COG2: variants seen among roughly 807,000 people sequenced by gnomAD.
The protein encoded by COG2 is conserved oligomeric Golgi complex subunit 2.
Under a neutral mutation model 90.6 loss-of-function variants are expected in COG2, and 52 were observed. That is an observed-to-expected ratio of 0.57 (90% confidence interval 0.46 to 0.72). The LOEUF (loss-of-function observed/expected upper bound fraction) is 0.72, where lower values mean the gene tolerates loss of function less well. Ranked by LOEUF, COG2 falls within the 30% of genes least tolerant of loss-of-function variation. COG2 has a pLI of 0.00. For missense variants in COG2, 829 were observed against 891.2 expected (o/e 0.93, Z 0.89); for synonymous variants, 337 against 320.4 (o/e 1.05, Z -0.55).
At position 230,642,505 on chromosome 1, in the gene COG2, G is replaced by A; in HGVS notation, c.-102G>A. 2 of 1,170,590 alleles carry A rather than the reference G, an allele frequency of 1.7e-6. No homozygotes were observed. The highest frequency in any genetic ancestry group is 4.1e-5 in the Admixed American group (2 of 48,782). The allele number at this position is 1,170,590 out of a possible 1,614,324, so 72.5% of individuals were successfully genotyped here. Reference sequence around the variant, plus strand: ...CATGTTGGCGGAAGCGGACCCCCCTGTGCCGTGGAAACTGGCGGTGGCCGC... The same window carrying A: ...CATGTTGGCGGAAGCGGACCCCCCTATGCCGTGGAAACTGGCGGTGGCCGC... On this transcript the variant is annotated 5_prime_UTR_variant, in exon 1 of 18. The change creates a new upstream start codon in the 5' untranslated region. Transcript: ENST00000366669.
chr1:230,671,630 G>T lies in COG2; in HGVS notation c.889G>T (p.Ala297Ser). Reference sequence around the variant, plus strand: ...CCTTCTTCGAGAAGTCACAGGAGGTGCCATCTCCAGGTAATTTAAACAACC... The same window carrying T: ...CCTTCTTCGAGAAGTCACAGGAGGTTCCATCTCCAGGTAATTTAAACAACC... ...CRLLREVTGGAISSEKGNTVP... is the reference protein window; with the variant it reads ...CRLLREVTGGSISSEKGNTVP... Residue 297 changes from alanine (A) to serine (S), a missense_variant, in exon 8 of 18, where the codon GCC becomes TCC. Ala to Ser is a moderately conservative substitution (Grantham distance 99, BLOSUM62 1). Coordinates refer to ENST00000366669, the MANE Select transcript of COG2 (RefSeq NM_007357.3). The T allele has an allele frequency of 1.2e-6, 2 of 1,613,430 alleles. No individual in the cohort carries two copies. Among genetic ancestry groups the T allele is most frequent in the Non-Finnish European group, 1.7e-6 (2 of 1,179,634 alleles).
intron 5 of COG2, among the ~76,000 whole-genome samples, chr1:230,667,062 G>A (rs1340562115): frequency 2.6e-5 from 4 of 152,076 alleles, no homozygotes; most frequent in Admixed American, 6.6e-5. Flanking sequence ...TGCATTCATC[G>A]GGCCTCCGGG....
chr1:230,691,507 C>T lies in COG2; in HGVS notation c.2058C>T (p.Ser686=), dbSNP rs749263516. The T allele has an allele frequency of 1.1e-5, 18 of 1,613,994 alleles. No homozygotes were observed. Among genetic ancestry groups the T allele is most frequent in the East Asian group, 1.1e-4 (5 of 44,882 alleles). The change falls in exon 17 of 18, where the codon AGC becomes AGT. Residue 686 remains serine, a synonymous_variant. Coordinates refer to ENST00000366669, the MANE Select transcript of COG2 (RefSeq NM_007357.3). ...ANPVGPSGGM[S]DDDKIRLQLA... The stretch of plus-strand genomic sequence containing the variant: ...CCGTCGGTCCCAGTGGTGGCATGAG[C>T]GACGACGACAAAATCAGGCTGCAGT...
intron 3 of COG2, chr1:230,661,669 G>A (rs902051634): frequency 2.0e-5 from 3 of 152,038 alleles, no homozygotes; most frequent in Admixed American, 6.6e-5. Flanking sequence ...AACATTCAGT[G>A]CATGTGTAGT....
At chr1:230,673,329 A>C (rs1415623482) in intron 8 of COG2, among the ~76,000 whole-genome samples, 1 of 152,172 alleles carries the variant, frequency 6.6e-6, no homozygotes, top group East Asian at 1.9e-4. Flanking sequence ...CAGGTTCTGC[A>C]TATCCCTTTC....
chr1:230,662,138 C>T (rs1210730414), intron 3 of COG2, among the ~76,000 whole-genome samples: 1 of 152,098 alleles, frequency 6.6e-6, no homozygotes, highest in Non-Finnish European at 1.5e-5. Flanking sequence ...CACCTGCAGG[C>T]TCTAGTCTTT....
At chr1:230,649,744 C>G (rs1361146094) in intron 1 of COG2, among the ~76,000 whole-genome samples, 1 of 151,862 alleles carries the variant, frequency 6.6e-6, no homozygotes, top group African/African-American at 2.4e-5. Flanking sequence ...ATTTTAGATT[C>G]AGGAGGTACA....
intron 17 of COG2, among the ~76,000 whole-genome samples, chr1:230,692,202 A>C (rs931396898): frequency 3.9e-5 from 6 of 152,108 alleles, no homozygotes; most frequent in African/African-American, 1.4e-4. Flanking sequence ...AGATGTTCAG[A>C]AACTGGCCTT....
At chr1:230,678,225 C>T in intron 9 of COG2, 24 of 985,420 alleles carry the variant, frequency 2.4e-5, no homozygotes, top group Non-Finnish European at 2.9e-5. Flanking sequence ...TAGCATTCTG[C>T]TTCCTCTACC....
chr1:230,688,659 A>G, intron 15 of COG2, 97 bp downstream of exon 15: 1 of 1,333,582 alleles, frequency 7.5e-7, no homozygotes, highest in Middle Eastern at 2.4e-4. Flanking sequence ...TTCCCAGGGT[A>G]GCCTGAGACA....
chr1:230,653,229 T>G (rs1247732677), intron 1 of COG2, among the ~76,000 whole-genome samples: 1 of 151,484 alleles, frequency 6.6e-6, no homozygotes, highest in African/African-American at 2.4e-5. Flanking sequence ...TTGTTTTTTT[T>G]TTTTTTGGGG....
chr1:230,688,514 C>T lies in COG2; in HGVS notation c.1746C>T (p.Phe582=). Residue 582 remains phenylalanine (F), a synonymous_variant, in exon 15 of 18, where the codon TTC becomes TTT. Coordinates refer to ENST00000366669, the MANE Select transcript of COG2 (RefSeq NM_007357.3). The stretch of plus-strand genomic sequence containing the variant: ...ATTTAAGTGACTCTTGCTTCGGTTT[C>T]CTAAAAAGCGCCCTGGAGGTTCCCA... ...IQDLSDSCFG[F]LKSALEVPRL... 6.2e-7 allele frequency: 1 copy of T among 1,614,108 alleles called. No individual in the cohort carries two copies.
chr1:230,669,076 A>C lies in COG2; in HGVS notation c.595-280A>C, dbSNP rs41305725. 18,157 of 453,906 alleles carry C rather than the reference A, an allele frequency of 0.04. 478 individuals are homozygous for C. Among genetic ancestry groups the C allele is most frequent in the Non-Finnish European group, 0.055 (14,164 of 258,380 alleles). The allele number at this position is 453,906 out of a possible 1,614,324, so 28.1% of individuals were successfully genotyped here. A position where few individuals can be genotyped will look rare whatever the true frequency, so the allele number is the denominator to read the frequency against. ...TATCCAAAGCCCTTAATTGGATTTT[A>C]AATCCATGATGTTTCCTCAAGATTG... On this transcript the variant is annotated intron_variant, in intron 6 of 17. Transcript: ENST00000366669.
intron 1 of COG2, among the ~76,000 whole-genome samples, chr1:230,644,835 G>T (rs922298663): frequency 6.6e-6 from 1 of 152,180 alleles, no homozygotes; most frequent in Non-Finnish European, 1.5e-5. Context: ...GTATGTTGCA[G>T]TTGGAACTGA....
At chr1:230,667,583 C>T (rs774224559) in intron 5 of COG2, among the ~76,000 whole-genome samples, 1 of 152,066 alleles carries the variant, frequency 6.6e-6, no homozygotes, top group Non-Finnish European at 1.5e-5. Flanking sequence ...CTTGTTAAGC[C>T]AAGAAACATT....
intron 10 of COG2, chr1:230,683,343 C>A: frequency 2.3e-6 from 1 of 437,320 alleles, no homozygotes; most frequent in East Asian, 4.0e-5. Context: ...AGTTATGATT[C>A]AGACCAGCTG....
intron 10 of COG2, chr1:230,679,567 T>C (rs778282742): frequency 1.3e-5 from 2 of 152,384 alleles, no homozygotes; most frequent in Non-Finnish European, 2.9e-5. Context: ...GCCTCCCTGA[T>C]CGTCTTTGTG....
At chr1:230,683,270 C>A (rs1233628324) in intron 10 of COG2, 1 of 298,938 alleles carries the variant, frequency 3.3e-6, no homozygotes, top group Non-Finnish European at 6.3e-6. Flanking sequence ...GTGCTGCTCA[C>A]CAGCAACAAC....
chr1:230,645,447 A>G (rs1310514456), intron 1 of COG2, among the ~76,000 whole-genome samples: 1 of 152,066 alleles, frequency 6.6e-6, no homozygotes, highest in Non-Finnish European at 1.5e-5. Flanking sequence ...AATAGAGGCC[A>G]TCAAGCGGTA....
Sources: allele counts gnomAD v4.1 joint callset (sites outside exome capture counted in the v4.1 genomes callset), GRCh38; gene constraint gnomAD v4.1.1; transcripts MANE v1.5; gene names NCBI Gene and HGNC (gene_info 2026-07-23, HGNC 2026-07-21).